SPOCK3: variants seen among roughly 807,000 people sequenced by gnomAD.
The protein encoded by SPOCK3 is testican-3.
Under a neutral mutation model 56.6 loss-of-function variants are expected in SPOCK3, and 30 were observed. The ratio of observed to expected loss-of-function variants is 0.53; its 90% CI spans 0.40 to 0.72. SPOCK3 has a LOEUF of 0.72. Ranked by LOEUF, SPOCK3 falls within the 30% of genes least tolerant of loss-of-function variation. The pLI is 0.00. For missense variants in SPOCK3, 527 were observed against 530.0 expected (o/e 0.99, Z 0.06); for synonymous variants, 196 against 183.3 (o/e 1.07, Z -0.56).
intron 6 of SPOCK3, among the ~76,000 whole-genome samples, chr4:166,873,821 A>T (rs1412567717): frequency 6.6e-6 from 1 of 152,208 alleles, no homozygotes; most frequent in African/African-American, 2.4e-5. Flanking sequence ...GGAAGGGTAT[A>T]GAACTCAATA....
intron 3 of SPOCK3, among the ~76,000 whole-genome samples, chr4:167,021,623 A>G (rs1043070272): frequency 6.6e-6 from 1 of 152,004 alleles, no homozygotes; most frequent in Non-Finnish European, 1.5e-5. Flanking sequence ...GATCAGATTG[A>G]TAAAACTGGC....
chr4:167,217,983 T>C (rs1422297988), intron 2 of SPOCK3, among the ~76,000 whole-genome samples: 1 of 151,594 alleles, frequency 6.6e-6, no homozygotes, highest in Non-Finnish European at 1.5e-5. Context: ...ATCAGAAACA[T>C]CACAGTATAG....
At chr4:166,778,123 T>G (rs1739773470) in intron 7 of SPOCK3, among the ~76,000 whole-genome samples, 1 of 152,176 alleles carries the variant, frequency 6.6e-6, no homozygotes, top group Non-Finnish European at 1.5e-5. Context: ...TCAAGCAATG[T>G]CTCTTCTCTT....
intron 2 of SPOCK3, among the ~76,000 whole-genome samples, chr4:167,076,605 G>C (rs530153081): frequency 2.4e-4 from 36 of 151,858 alleles, no homozygotes; most frequent in African/African-American, 8.4e-4. Flanking sequence ...TACACTCTAT[G>C]CAATGGAAAC....
chr4:167,132,039 A>G (rs1194253028), intron 2 of SPOCK3, among the ~76,000 whole-genome samples: 1 of 152,182 alleles, frequency 6.6e-6, no homozygotes, highest in African/African-American at 2.4e-5. Context: ...AAGACTGAGA[A>G]ACAAATACCA....
intron 6 of SPOCK3, among the ~76,000 whole-genome samples, chr4:166,841,582 A>C (rs1365815896): frequency 2.0e-5 from 3 of 152,318 alleles, no homozygotes; most frequent in African/African-American, 7.2e-5. Flanking sequence ...ACTTTTCACT[A>C]GTTCTTATAA....
chr4:167,178,768 A>AT (rs1454731303), intron 2 of SPOCK3, among the ~76,000 whole-genome samples: 2 of 152,136 alleles, frequency 1.3e-5, no homozygotes, highest in East Asian at 1.9e-4. Context: ...AAGAAAGGGG[A>AT]TAAAAACCAT....
intron 4 of SPOCK3, among the ~76,000 whole-genome samples, chr4:166,943,461 C>G (rs1741350762): frequency 6.6e-6 from 1 of 152,080 alleles, no homozygotes; most frequent in Non-Finnish European, 1.5e-5. Context: ...GGAACTTAAT[C>G]ACATTATTTA....
At chr4:167,161,942 A>C (rs1396548789) in intron 2 of SPOCK3, among the ~76,000 whole-genome samples, 1 of 151,764 alleles carries the variant, frequency 6.6e-6, no homozygotes, top group Non-Finnish European at 1.5e-5. Flanking sequence ...GTAATGTTAA[A>C]TGACGAGTTA....
At chr4:166,871,402 G>A (rs1732456627) in intron 6 of SPOCK3, among the ~76,000 whole-genome samples, 1 of 151,992 alleles carries the variant, frequency 6.6e-6, no homozygotes, top group Admixed American at 6.6e-5. Context: ...GACATTAAAA[G>A]GATAACAAGA....
chr4:166,764,721 G>A (rs543837646), intron 7 of SPOCK3, among the ~76,000 whole-genome samples: 2 of 152,194 alleles, frequency 1.3e-5, no homozygotes, highest in East Asian at 1.9e-4. Flanking sequence ...GGGATGGCTG[G>A]GTCAAATGGT....
At chr4:167,182,456 T>C (rs1161316284) in intron 2 of SPOCK3, among the ~76,000 whole-genome samples, 1 of 147,978 alleles carries the variant, frequency 6.8e-6, no homozygotes, top group Non-Finnish European at 1.5e-5. Flanking sequence ...CAAAGAAAGA[T>C]ATTTGGAAGA....
intron 2 of SPOCK3, among the ~76,000 whole-genome samples, chr4:167,096,678 A>G (rs1458633677): frequency 2.0e-5 from 3 of 151,864 alleles, no homozygotes; most frequent in African/African-American, 7.2e-5. Flanking sequence ...AGTCCAGAGT[A>G]TAGTCTGTTG....
rs70955696 is a variant in SPOCK3 at position 166,827,838 on chromosome 4, G to GAA, written c.590-35551_590-35550dup. ...CTTATACATACCTTACTCATCAAGG[G>GAA]AAAAAAAAAAAAACTGTATGACTGA... is the stretch of plus-strand genomic sequence containing the variant. On this transcript the variant is annotated intron_variant, in intron 6 of 10. Coordinates refer to ENST00000357545, the MANE Select transcript of SPOCK3 (RefSeq NM_001040159.2). Among the ~76,000 whole-genome samples the GAA allele has an allele frequency of 7.4e-3, 1,074 of 144,756 alleles. 8 individuals are homozygous for GAA. Among genetic ancestry groups the GAA allele is most frequent in the African/African-American group, 0.017 (665 of 39,412 alleles). The allele number at this position is 144,756 out of a possible 152,430, so 95.0% of individuals were successfully genotyped here. A position where few individuals can be genotyped will look rare whatever the true frequency, so the allele number is the denominator to read the frequency against.
chr4:166,812,641 ATTTGTATTAG>A (rs1743952822), intron 6 of SPOCK3, among the ~76,000 whole-genome samples: 1 of 151,976 alleles, frequency 6.6e-6, no homozygotes, highest in South Asian at 2.1e-4. Context: ...TTGCATTTAT[ATTTGTATTAG>A]TTCAACTAAA....
intron 4 of SPOCK3, among the ~76,000 whole-genome samples, chr4:166,989,768 T>A (rs1192472355): frequency 6.6e-6 from 1 of 152,226 alleles, no homozygotes; most frequent in Non-Finnish European, 1.5e-5. Context: ...TTAATCAGGA[T>A]AATGATAGCT....
chr4:167,011,152 T>C (rs773679473), intron 3 of SPOCK3: 24 of 376,574 alleles, frequency 6.4e-5, no homozygotes, highest in Non-Finnish European at 1.1e-4. Context: ...TTAAGGGTTC[T>C]TGAGAGCTGC....
At chr4:167,197,480 A>T (rs1041863801) in intron 2 of SPOCK3, among the ~76,000 whole-genome samples, 1 of 152,196 alleles carries the variant, frequency 6.6e-6, no homozygotes, top group African/African-American at 2.4e-5. Context: ...AGTGAAAATA[A>T]ACTAATGGAA....
At chr4:167,176,011 G>A (rs1360959974) in intron 2 of SPOCK3, among the ~76,000 whole-genome samples, 1 of 152,062 alleles carries the variant, frequency 6.6e-6, no homozygotes, top group Non-Finnish European at 1.5e-5. Flanking sequence ...GGTGTAATCA[G>A]GGCTGCATTC....
Sources: gnomAD v4.1 joint callset for allele counts (sites outside exome capture counted in the v4.1 genomes callset) on GRCh38, gnomAD v4.1.1 for gene constraint, MANE v1.5 for transcripts, NCBI Gene and HGNC (gene_info 2026-07-23, HGNC 2026-07-21) for gene names.